Variants in ABR observed in about 807,000 individuals in gnomAD.
ABR encodes active breakpoint cluster region-related protein.
A neutral mutation model predicts 107.2 loss-of-function variants in ABR; 35 were observed. That is an observed-to-expected ratio of 0.33 (90% confidence interval 0.25 to 0.43). The LOEUF (loss-of-function observed/expected upper bound fraction) is 0.43. ABR is among the 20% of genes least tolerant of loss of function. ABR has a pLI of 1.00. For synonymous variants in ABR, 498 were observed against 462.0 expected (o/e 1.08, Z -1.00); for missense variants, 815 against 1,115.2 (o/e 0.73, Z 3.83).
At chr17:1,172,520 A>G (rs1441366306) in intron 1 of ABR, among the ~76,000 whole-genome samples, 10 of 152,082 alleles carry the variant, frequency 6.6e-5, no homozygotes, top group Admixed American at 3.9e-4. Flanking sequence ...GGAGGCCGAG[A>G]TGGGTGGATC....
chr17:1,057,169 G>A, intron 12 of ABR, 67 bp from the exon 13 acceptor site: 1 of 1,087,774 alleles, frequency 9.2e-7, no homozygotes, highest in Non-Finnish European at 1.4e-6. Flanking sequence ...GCTCTTCCCT[G>A]GGGGCTGCTG....
At chr17:1,016,847 A>G (rs2071204987) in intron 16 of ABR, among the ~76,000 whole-genome samples, 1 of 152,036 alleles carries the variant, frequency 6.6e-6, no homozygotes, top group Admixed American at 6.5e-5. Flanking sequence ...GTCTCTGTGC[A>G]CTCTGAGGTG....
rs2257540 is a variant in ABR at position 1,050,216 on chromosome 17, C to T, written c.1660-35G>A. On this transcript the variant is annotated intron_variant, in intron 15 of 22. Transcript: ENST00000302538. This position sits in a 1 kb window ranked among gnomAD's most constrained non-coding sequence, Gnocchi z 4.6. ...GATGGGACAAAGGGCCCTGAACCTC[C>T]GAAGCTGGGAGGCCTGGCTTTCCGG... is the stretch of plus-strand genomic sequence containing the variant. 980,437 of 1,590,996 alleles carry T rather than the reference C, an allele frequency of 0.62. 308,001 individuals carry two copies. The highest frequency in any genetic ancestry group is 0.65 in the South Asian group (57,335 of 88,556).
Position 1,197,900 on chromosome 17 carries a change from C to G in ABR, c.838+30893G>C, listed in dbSNP as rs749888559. 4.6e-5 allele frequency among the ~76,000 whole-genome samples: 7 copies of G among 151,686 alleles called. 1 individual carries two copies. The highest frequency in any genetic ancestry group is 1.2e-4 in the African/African-American group (5 of 40,992). On this transcript the variant is annotated intron_variant, in intron 1 of 22. Transcript: ENST00000574139. ...GGAGCTGGGCTCCTCAGACCACTGGCTTTGGGGGCAAATACACCCTGCTGA... is the reference window on the plus strand; with the variant it reads ...GGAGCTGGGCTCCTCAGACCACTGGGTTTGGGGGCAAATACACCCTGCTGA...
intron 1 of ABR, among the ~76,000 whole-genome samples, chr17:1,217,880 A>G (rs1288707795): frequency 6.6e-6 from 1 of 152,202 alleles, no homozygotes; most frequent in Non-Finnish European, 1.5e-5. Flanking sequence ...TTTTTAGCAG[A>G]GACGGGGTTT....
At chr17:1,132,156 G>GT (rs1388013869) in intron 1 of ABR, among the ~76,000 whole-genome samples, 1 of 152,032 alleles carries the variant, frequency 6.6e-6, no homozygotes, top group African/African-American at 2.4e-5. Flanking sequence ...GAGCCCAGGA[G>GT]TTTGAGACCA....
chr17:1,158,070 C>A (rs555222788), intron 1 of ABR, among the ~76,000 whole-genome samples: 2 of 152,248 alleles, frequency 1.3e-5, no homozygotes, highest in Admixed American at 6.5e-5. Flanking sequence ...AGGAGCGTGA[C>A]CACCCCTGAG....
chr17:1,172,153 A>C (rs1338310258), intron 1 of ABR, among the ~76,000 whole-genome samples: 1 of 152,242 alleles, frequency 6.6e-6, no homozygotes, highest in Non-Finnish European at 1.5e-5. Flanking sequence ...GAGAGGCCCC[A>C]GTCAGGTCTC....
At chr17:1,120,139 A>G (rs1026600982) in intron 2 of ABR, among the ~76,000 whole-genome samples, 7 of 152,158 alleles carry the variant, frequency 4.6e-5, no homozygotes, top group African/African-American at 1.7e-4. Context: ...CACCTACCTC[A>G]TAGAGTTGTT....
intron 1 of ABR, among the ~76,000 whole-genome samples, chr17:1,137,881 A>G (rs1202299726): frequency 2.0e-5 from 3 of 152,014 alleles, no homozygotes; most frequent in Admixed American, 2.0e-4. Flanking sequence ...AAGGTAATAT[A>G]TAATGGTAAA....
chr17:1,127,060 C>T (rs1460756677), intron 1 of ABR, among the ~76,000 whole-genome samples: 1 of 152,240 alleles, frequency 6.6e-6, no homozygotes, highest in African/African-American at 2.4e-5. Flanking sequence ...CGTGGCCACA[C>T]TCTGCCCAAT....
At chr17:1,221,928 T>TAA (rs2043127175) in intron 1 of ABR, among the ~76,000 whole-genome samples, 1 of 151,996 alleles carries the variant, frequency 6.6e-6, no homozygotes, top group African/African-American at 2.4e-5. Flanking sequence ...GGCAAACAAA[T>TAA]AAGCTTGGGA....
intron 1 of ABR, among the ~76,000 whole-genome samples, chr17:1,217,405 C>T (rs1478948120): frequency 6.6e-6 from 1 of 152,158 alleles, no homozygotes; most frequent in East Asian, 1.9e-4. Context: ...CAGCAAGAAG[C>T]ATGGCCAAAC....
At chr17:1,143,996 G>T (rs1454888678) in intron 1 of ABR, among the ~76,000 whole-genome samples, 1 of 152,074 alleles carries the variant, frequency 6.6e-6, no homozygotes, top group African/African-American at 2.4e-5. Flanking sequence ...GCTATGAATG[G>T]CCCCCTTTGA....
chr17:1,153,711 AGG>A (rs2040917228), intron 1 of ABR: 2 of 122,068 alleles, frequency 1.6e-5, no homozygotes, highest in African/African-American at 7.3e-5. Flanking sequence ...CTGGGGGTCC[AGG>A]CACACCTACG....
intron 1 of ABR, among the ~76,000 whole-genome samples, chr17:1,139,550 C>A (rs1191702062): frequency 7.5e-6 from 1 of 133,362 alleles, no homozygotes; most frequent in African/African-American, 2.5e-5. Flanking sequence ...CCGTGCCCGG[C>A]CTGTTTTTTT....
chr17:1,075,001 G>A (rs191251723), intron 6 of ABR, among the ~76,000 whole-genome samples: 10 of 152,336 alleles, frequency 6.6e-5, no homozygotes, highest in African/African-American at 2.4e-4. Flanking sequence ...GAGGGGCAAA[G>A]GTTTCCTGAA....
At chr17:1,076,729 TGGGGG>T (rs1214622660) in intron 6 of ABR, among the ~76,000 whole-genome samples, 1 of 13,496 alleles carries the variant, frequency 7.4e-5, no homozygotes. Context: ...GGGGTGGGGG[TGGGGG>T]GGGTGGCGGC....
At chr17:1,178,955 T>A (rs1425785233) in intron 1 of ABR, among the ~76,000 whole-genome samples, 4 of 151,086 alleles carry the variant, frequency 2.6e-5, no homozygotes, top group Admixed American at 6.6e-5. Context: ...AGCAATCACA[T>A]GATCCAGAGA....
Sources: gnomAD v4.1 joint callset for allele counts (sites outside exome capture counted in the v4.1 genomes callset) on GRCh38, gnomAD v4.1.1 for gene constraint, Gnocchi (gnomAD v3.1) non-coding constraint, MANE v1.5 for transcripts, NCBI Gene and HGNC (gene_info 2026-07-23, HGNC 2026-07-21) for gene names.